CMTM8: variants seen among roughly 807,000 people sequenced by gnomAD.
CMTM8 encodes the protein CKLF like MARVEL transmembrane domain containing 8.
Under a neutral mutation model 18.6 loss-of-function variants are expected in CMTM8, and 12 were observed. The ratio of observed to expected loss-of-function variants is 0.65; its 90% CI spans 0.41 to 1.05. CMTM8 has a LOEUF of 1.05. Ranked by LOEUF, CMTM8 falls within the 50% of genes least tolerant of loss-of-function variation. CMTM8 has a pLI of 0.00. For missense variants in CMTM8, 217 were observed against 227.2 expected (o/e 0.95, Z 0.29); for synonymous variants, 87 against 90.6 (o/e 0.96, Z 0.23).
At chr3:32,262,696 A>G (rs1235247064) in intron 1 of CMTM8, among the ~76,000 whole-genome samples, 1 of 152,224 alleles carries the variant, frequency 6.6e-6, no homozygotes, top group Non-Finnish European at 1.5e-5. Flanking sequence ...GTAGAAGATA[A>G]AGTGAGCAAA....
At chr3:32,296,338 C>T (rs139252363) in intron 1 of CMTM8, among the ~76,000 whole-genome samples, 1 of 152,168 alleles carries the variant, frequency 6.6e-6, no homozygotes, top group East Asian at 1.9e-4. Context: ...ATTGTTCAGC[C>T]CCCTCCGGAG....
At chr3:32,286,539 G>C (rs1702690011) in intron 1 of CMTM8, among the ~76,000 whole-genome samples, 1 of 152,178 alleles carries the variant, frequency 6.6e-6, no homozygotes, top group African/African-American at 2.4e-5. Flanking sequence ...TGGGAGGAAG[G>C]CTGCTCCTGT....
intron 2 of CMTM8, among the ~76,000 whole-genome samples, chr3:32,360,654 G>C (rs1417075298): frequency 6.6e-6 from 1 of 152,232 alleles, no homozygotes; most frequent in African/African-American, 2.4e-5. Context: ...CAGGAGCATA[G>C]CAAGTGTCAG....
intron 1 of CMTM8, among the ~76,000 whole-genome samples, chr3:32,302,410 T>TTG (rs1439699956): frequency 6.6e-6 from 1 of 152,222 alleles, no homozygotes; most frequent in Non-Finnish European, 1.5e-5. Context: ...CTCTGTATGC[T>TTG]GTTCAGTTTA....
chr3:32,293,875 A>C (rs748941022), intron 1 of CMTM8, among the ~76,000 whole-genome samples: 4 of 152,164 alleles, frequency 2.6e-5, no homozygotes, highest in Non-Finnish European at 4.4e-5. Context: ...TCTGTGAGTA[A>C]GCCTGTTCAT....
chr3:32,256,467 GCATTCCCACAGACTT>G (rs1480885346), intron 1 of CMTM8, among the ~76,000 whole-genome samples: 2 of 152,034 alleles, frequency 1.3e-5, no homozygotes, highest in African/African-American at 4.8e-5. Flanking sequence ...TCATGAATGT[GCATTCCCACAGACTT>G]CGTTACAGCA....
chr3:32,331,301 A>G (rs1416264810), intron 1 of CMTM8, among the ~76,000 whole-genome samples: 1 of 152,268 alleles, frequency 6.6e-6, no homozygotes, highest in Non-Finnish European at 1.5e-5. Flanking sequence ...CCACTATCAA[A>G]TAAACAGAAA....
intron 1 of CMTM8, among the ~76,000 whole-genome samples, chr3:32,318,490 A>G (rs1279063217): frequency 6.6e-6 from 1 of 151,778 alleles, no homozygotes; most frequent in Non-Finnish European, 1.5e-5. Context: ...TTTTATTTTT[A>G]TCTTATTGTG....
chr3:32,307,826 C>T (rs1695746109), intron 1 of CMTM8, among the ~76,000 whole-genome samples: 1 of 152,136 alleles, frequency 6.6e-6, no homozygotes, highest in African/African-American at 2.4e-5. Context: ...TAACAAGCTT[C>T]CAGGTGACGT....
intron 1 of CMTM8, among the ~76,000 whole-genome samples, chr3:32,320,306 G>A (rs1392893019): frequency 2.0e-5 from 3 of 152,278 alleles, no homozygotes; most frequent in Non-Finnish European, 2.9e-5. Context: ...TAAAAAGATC[G>A]AAGCACTGTT....
intron 1 of CMTM8, among the ~76,000 whole-genome samples, chr3:32,313,126 C>A (rs1032595181): frequency 1.1e-4 from 16 of 152,026 alleles, no homozygotes; most frequent in Admixed American, 3.3e-4. Context: ...GGCCATTATT[C>A]TGCCTAGCAC....
chr3:32,305,338 C>T (rs1695698410), intron 1 of CMTM8, among the ~76,000 whole-genome samples: 1 of 150,350 alleles, frequency 6.7e-6, no homozygotes, highest in African/African-American at 2.4e-5. Flanking sequence ...TCACGCCATT[C>T]TCCTGCGACT....
chr3:32,260,424 T>C (rs1301196619), intron 1 of CMTM8, among the ~76,000 whole-genome samples: 1 of 152,242 alleles, frequency 6.6e-6, no homozygotes, highest in African/African-American at 2.4e-5. Context: ...AAATATAAAG[T>C]TGGGCTCTAA....
At chr3:32,313,648 C>T (rs1695866145) in intron 1 of CMTM8, among the ~76,000 whole-genome samples, 1 of 152,116 alleles carries the variant, frequency 6.6e-6, no homozygotes, top group South Asian at 2.1e-4. Flanking sequence ...ATGCAGACAT[C>T]TGGGACCCAT....
At chr3:32,297,426 C>G (rs1449239813) in intron 1 of CMTM8, among the ~76,000 whole-genome samples, 1 of 152,234 alleles carries the variant, frequency 6.6e-6, no homozygotes, top group African/African-American at 2.4e-5. Flanking sequence ...GTGATCCACC[C>G]ACCTATGCCT....
intron 1 of CMTM8, among the ~76,000 whole-genome samples, chr3:32,242,904 C>T (rs903237989): frequency 1.3e-5 from 2 of 151,276 alleles, no homozygotes; most frequent in African/African-American, 4.9e-5. Context: ...GTTGCCCAGG[C>T]TGGAGTGCAG....
At chr3:32,275,506 G>T (rs568032264) in intron 1 of CMTM8, among the ~76,000 whole-genome samples, 1 of 152,068 alleles carries the variant, frequency 6.6e-6, no homozygotes, top group African/African-American at 2.4e-5. Flanking sequence ...TAGCACTGGC[G>T]CATTGTAAGA....
chr3:32,249,230 A>T (rs915839419), intron 1 of CMTM8, among the ~76,000 whole-genome samples: 1 of 151,640 alleles, frequency 6.6e-6, no homozygotes, highest in East Asian at 1.9e-4. Context: ...GGAGTTCAAG[A>T]CTAGCCTAGG....
At chr3:32,302,092 G>C (rs376387694) in intron 1 of CMTM8, among the ~76,000 whole-genome samples, 2 of 151,554 alleles carry the variant, frequency 1.3e-5, no homozygotes, top group South Asian at 2.1e-4. Context: ...CAACGCTTTG[G>C]GGGGCCAAGG....
Sources: gnomAD v4.1 joint callset for allele counts (sites outside exome capture counted in the v4.1 genomes callset) on GRCh38, gnomAD v4.1.1 for gene constraint, MANE v1.5 for transcripts, NCBI Gene and HGNC (gene_info 2026-07-23, HGNC 2026-07-21) for gene names.